Variants in DOCK9 observed in about 807,000 individuals in gnomAD.
DOCK9 encodes the protein dedicator of cytokinesis protein 9.
Under a neutral mutation model 263.3 loss-of-function variants are expected in DOCK9, and 89 were observed. The ratio of observed to expected loss-of-function variants is 0.34; its 90% CI spans 0.28 to 0.40. The LOEUF is 0.40. Among genes scored for constraint, DOCK9 ranks in the 10% least tolerant of loss-of-function variants. DOCK9 has a pLI of 1.00. For missense variants in DOCK9, 2,140 were observed against 2,603.4 expected (o/e 0.82, Z 3.87); for synonymous variants, 976 against 973.1 (o/e 1.00, Z -0.06).
At chr13:98,824,576 G>A (rs1313375805) in intron 44 of DOCK9, 72 bp from the exon 45 acceptor site, 30 of 1,351,664 alleles carry the variant, frequency 2.2e-5, no homozygotes, top group Non-Finnish European at 3.2e-5. Flanking sequence ...GGTTTTTCCT[G>A]CCCTGTGTGT....
intron 15 of DOCK9, among the ~76,000 whole-genome samples, chr13:98,895,427 G>A (rs1235542861): frequency 6.6e-6 from 1 of 152,164 alleles, no homozygotes; most frequent in Admixed American, 6.5e-5. Context: ...AGCACTTTGG[G>A]AGGCTGAGGC....
chr13:99,058,877 A>T (rs946513074), intron 1 of DOCK9, among the ~76,000 whole-genome samples: 1 of 152,106 alleles, frequency 6.6e-6, no homozygotes, highest in Non-Finnish European at 1.5e-5. Context: ...TCACTGGTGA[A>T]TCCAGTGCAA....
At chr13:99,027,046 G>T (rs991955989) in intron 1 of DOCK9, among the ~76,000 whole-genome samples, 10 of 152,058 alleles carry the variant, frequency 6.6e-5, no homozygotes, top group Non-Finnish European at 2.9e-5. Context: ...TTGAGACGGA[G>T]TATCACTCTG....
At chr13:98,921,442 C>T (rs1187546500) in intron 6 of DOCK9, among the ~76,000 whole-genome samples, 1 of 152,184 alleles carries the variant, frequency 6.6e-6, no homozygotes, top group East Asian at 1.9e-4. Flanking sequence ...AGAATGGGAA[C>T]TATTTTTTGC....
At chr13:99,063,195 A>G (rs1402939318) in intron 1 of DOCK9, among the ~76,000 whole-genome samples, 1 of 152,260 alleles carries the variant, frequency 6.6e-6, no homozygotes, top group Non-Finnish European at 1.5e-5. Flanking sequence ...GAGGCAAGGT[A>G]GAAAAGAACA....
At chr13:98,813,025 C>T (rs1451053697) in intron 45 of DOCK9, among the ~76,000 whole-genome samples, 1 of 152,176 alleles carries the variant, frequency 6.6e-6, no homozygotes, top group Non-Finnish European at 1.5e-5. Context: ...CTAAAAATTA[C>T]ATTAAGTAAT....
At chr13:98,809,515 C>A in intron 46 of DOCK9, 50 bp from the exon 47 acceptor site, 6 of 1,442,782 alleles carry the variant, frequency 4.2e-6, no homozygotes, top group South Asian at 4.0e-5. Context: ...AGAGGAGAAT[C>A]GATTTTAAAA....
chr13:98,828,482 G>A (rs1314243825), intron 43 of DOCK9, among the ~76,000 whole-genome samples: 1 of 152,202 alleles, frequency 6.6e-6, no homozygotes, highest in African/African-American at 2.4e-5. Flanking sequence ...TCACGTTAAT[G>A]TGTACTTTTT....
At chr13:98,925,287 C>T (rs367963508) in intron 4 of DOCK9, among the ~76,000 whole-genome samples, 1 of 152,134 alleles carries the variant, frequency 6.6e-6, no homozygotes, top group Non-Finnish European at 1.5e-5. Context: ...CAAGGCAATA[C>T]CTAGCTACCG....
At chr13:98,927,746 G>A (rs1189068406) in intron 3 of DOCK9, among the ~76,000 whole-genome samples, 3 of 151,548 alleles carry the variant, frequency 2.0e-5, no homozygotes, top group African/African-American at 4.9e-5. Flanking sequence ...TCAGCCTCCC[G>A]AGTAGCTGGG....
intron 3 of DOCK9, among the ~76,000 whole-genome samples, chr13:98,927,434 A>G: frequency 6.6e-6 from 1 of 152,084 alleles, no homozygotes. Context: ...GTGTGATCCT[A>G]TTCTCTTCAA....
intron 1 of DOCK9, among the ~76,000 whole-genome samples, chr13:99,009,327 G>C (rs1884058380): frequency 6.6e-6 from 1 of 152,068 alleles, no homozygotes; most frequent in Admixed American, 6.5e-5. Context: ...TTACTGTTGT[G>C]ATCAAAACAG....
intron 47 of DOCK9, chr13:98,808,545 G>T: frequency 1.2e-6 from 1 of 826,866 alleles, no homozygotes; most frequent in Non-Finnish European, 2.0e-6. Flanking sequence ...AAAAATGCAA[G>T]CTAGCATGAA....
chr13:98,867,951 A>T lies in DOCK9; in HGVS notation c.3151T>A (p.Cys1051Ser). The T allele has an allele frequency of 6.2e-7, 1 of 1,613,728 alleles. No homozygotes were observed. Among genetic ancestry groups the T allele is most frequent in the Non-Finnish European group, 8.5e-7 (1 of 1,179,822 alleles). ...VFKQINNYISCFAPGDPKTLF... is the reference protein window; with the variant it reads ...VFKQINNYISSFAPGDPKTLF... ...ACCTTTGGGTCTCCAGGAGCAAAAC[A>T]GCTAATGTAGTTGTTGATCTGCTTG... The change falls in exon 29 of 53, where the codon TGT (cysteine) becomes AGT (serine). Residue 1051 changes from cysteine (C) to serine (S), a missense_variant. By Grantham distance (112) the Cys-to-Ser change is moderately radical. Around this residue, in one of 2 missense-constraint regions of DOCK9, gnomAD observed 1,521 missense variants for 1,741.7 expected, o/e 0.87. Coordinates refer to ENST00000682017, the MANE Select transcript of DOCK9 (RefSeq NM_001366683.2).
chr13:98,939,283 G>C (rs2055420053), intron 2 of DOCK9, among the ~76,000 whole-genome samples: 1 of 152,190 alleles, frequency 6.6e-6, no homozygotes, highest in Non-Finnish European at 1.5e-5. Flanking sequence ...TGCTCTCTGA[G>C]GACTGAGGAT....
chr13:98,933,865 CTGTTGTTGTTGTTGTTGT>C lies in DOCK9; in HGVS notation c.244-3626_244-3609del, dbSNP rs71724333. 8.9e-4 allele frequency among the ~76,000 whole-genome samples: 133 copies of C among 149,022 alleles called. 1 individual carries two copies. The South Asian group carries it at 0.022, about 25-fold the overall frequency. ...TGATGATCAGTTATAAACCTAGCCT[CTGTTGTTGTTGTTGTTGT>C]TGTTGTTGTTGTTGTTGTTGTTGTT... is the stretch of plus-strand genomic sequence containing the variant. On this transcript the variant is annotated intron_variant, in intron 2 of 52. Coordinates refer to ENST00000682017, the MANE Select transcript of DOCK9 (RefSeq NM_001366683.2).
chr13:98,832,239 AC>A (rs1437452347), intron 39 of DOCK9: 14 of 161,074 alleles, frequency 8.7e-5, no homozygotes, highest in Middle Eastern at 3.3e-3. Context: ...CCTCTAAGGC[AC>A]TCTGCTAAGC....
In DOCK9 at chr13:98,888,736, T is replaced by TA. The variant is rs2046181072; in HGVS notation, c.1710-26dup. The TA allele has an allele frequency of 3.1e-6, 5 of 1,598,314 alleles. No individual in the cohort carries two copies. The East Asian group carries it at 1.1e-4, about 36-fold the overall frequency. On this transcript the variant is annotated intron_variant, in intron 15 of 52. Coordinates refer to ENST00000682017, the MANE Select transcript of DOCK9 (RefSeq NM_001366683.2). The stretch of plus-strand genomic sequence containing the variant: ...TCTGCAAACAAAAGAAGAGAAAAAT[T>TA]AAACATTCGTAAGTTAACTCTAAAA...
intron 9 of DOCK9, among the ~76,000 whole-genome samples, chr13:98,905,766 C>T (rs1332327420): frequency 9.1e-6 from 1 of 109,630 alleles, no homozygotes; most frequent in Non-Finnish European, 1.9e-5. Context: ...TCTTAATAAA[C>T]TTGCTTTCAC....
Sources: gnomAD v4.1 joint callset for allele counts (sites outside exome capture counted in the v4.1 genomes callset) on GRCh38, gnomAD v4.1.1 for gene constraint, gnomAD v4.1.1 regional missense constraint, MANE v1.5 for transcripts, NCBI Gene and HGNC (gene_info 2026-07-23, HGNC 2026-07-21) for gene names.